The following PTPRD variants were observed in gnomAD, a reference collection of about 807,000 sequenced individuals.
The protein encoded by PTPRD is protein tyrosine phosphatase receptor type D, also known as receptor-type tyrosine-protein phosphatase delta.
Under a neutral mutation model 214.5 loss-of-function variants are expected in PTPRD, and 34 were observed. The observed-to-expected ratio is 0.16, with a 90% CI of 0.12 to 0.21. The LOEUF (loss-of-function observed/expected upper bound fraction) is 0.21, where lower values mean the gene tolerates loss of function less well. PTPRD is among the 10% of genes least tolerant of loss of function. PTPRD has a pLI of 1.00. For synonymous variants in PTPRD, 1,128 were observed against 845.7 expected (o/e 1.33, Z -5.79); for missense variants, 2,545 against 2,398.7 (o/e 1.06, Z -1.27).
At chr9:9,749,180 T>C (rs1289796885) in intron 6 of PTPRD, among the ~76,000 whole-genome samples, 1 of 152,082 alleles carries the variant, frequency 6.6e-6, no homozygotes, top group Non-Finnish European at 1.5e-5. Context: ...TCTCCATGCC[T>C]CTCAGTTTCA....
chr9:8,597,784 T>C (rs1402749264), intron 14 of PTPRD, among the ~76,000 whole-genome samples: 1 of 152,162 alleles, frequency 6.6e-6, no homozygotes, highest in Non-Finnish European at 1.5e-5. Context: ...ATACAGAATC[T>C]GTCTGAATTG....
At chr9:8,703,153 C>A (rs1321572529) in intron 12 of PTPRD, among the ~76,000 whole-genome samples, 1 of 152,176 alleles carries the variant, frequency 6.6e-6, no homozygotes, top group African/African-American at 2.4e-5. Flanking sequence ...ATCTGGAAAT[C>A]TATTTAGACT....
chr9:8,651,185 CT>C (rs1417856212), intron 12 of PTPRD, among the ~76,000 whole-genome samples: 1 of 152,138 alleles, frequency 6.6e-6, no homozygotes, highest in Non-Finnish European at 1.5e-5. Flanking sequence ...GAAAAGCGTT[CT>C]GCAGATGTCT....
chr9:8,528,390 A>G (rs554815996), intron 15 of PTPRD: 8 of 634,156 alleles, frequency 1.3e-5, no homozygotes. Context: ...TGCAAAACAC[A>G]CAGAGAAAAG....
rs1223113894 is a variant in PTPRD, at chr9:9,965,075, A to G, written c.-471-26465T>C. Among the ~76,000 whole-genome samples, 4 of 152,276 alleles carry G rather than the reference A, an allele frequency of 2.6e-5. No individual in the cohort carries two copies. In the South Asian group the frequency reaches 6.2e-4, roughly 24 times the overall value. On this transcript the variant is annotated intron_variant, in intron 4 of 45. Transcript: ENST00000381196. ...GTCTGTTCATTACAACAGACCTTCA[A>G]ATGAGGATGCACAAACACACACAAC...
intron 3 of PTPRD, among the ~76,000 whole-genome samples, chr9:10,206,806 C>CT (rs1461895030): frequency 6.6e-6 from 1 of 151,938 alleles, no homozygotes; most frequent in Non-Finnish European, 1.5e-5. Context: ...TCATTAGTAG[C>CT]TACATAGATT....
chr9:9,062,090 C>T (rs545949815), intron 10 of PTPRD, among the ~76,000 whole-genome samples: 7 of 152,130 alleles, frequency 4.6e-5, no homozygotes, highest in Admixed American at 3.3e-4. Context: ...TGCTCTCATC[C>T]CCTCATTTTA....
intron 14 of PTPRD, among the ~76,000 whole-genome samples, chr9:8,578,567 C>T (rs1377484365): frequency 6.6e-6 from 1 of 152,140 alleles, no homozygotes; most frequent in East Asian, 1.9e-4. Flanking sequence ...TAAGAGAGTG[C>T]AGAGGCTTGG....
intron 3 of PTPRD, among the ~76,000 whole-genome samples, chr9:10,318,925 G>T (rs1324851311): frequency 6.6e-6 from 1 of 152,014 alleles, no homozygotes; most frequent in African/African-American, 2.4e-5. Flanking sequence ...TGAAAATAGG[G>T]CTAAGAACTA....
At chr9:10,254,538 CG>C (rs746115922) in intron 3 of PTPRD, among the ~76,000 whole-genome samples, 63 of 152,124 alleles carry the variant, frequency 4.1e-4, no homozygotes, top group Non-Finnish European at 6.6e-4. Context: ...AGCATAAAAA[CG>C]ATTTAGCCCC....
chr9:8,407,907 C>G (rs962343613), intron 35 of PTPRD, among the ~76,000 whole-genome samples: 3 of 152,158 alleles, frequency 2.0e-5, no homozygotes, highest in Non-Finnish European at 2.9e-5. Context: ...GCAGTAAACT[C>G]AGTAAAGAAT....
chr9:9,294,549 C>G (rs1325234107), intron 9 of PTPRD, among the ~76,000 whole-genome samples: 1 of 151,598 alleles, frequency 6.6e-6, no homozygotes, highest in Non-Finnish European at 1.5e-5. Flanking sequence ...GGGGATTTGA[C>G]AGATTAGTGT....
intron 4 of PTPRD, among the ~76,000 whole-genome samples, chr9:9,948,706 G>A (rs1403630096): frequency 1.3e-5 from 2 of 151,930 alleles, no homozygotes; most frequent in East Asian, 1.9e-4. Flanking sequence ...GTAATCCAAT[G>A]GCAGTAATTC....
At chr9:9,828,493 G>C (rs1420970675) in intron 5 of PTPRD, among the ~76,000 whole-genome samples, 3 of 152,066 alleles carry the variant, frequency 2.0e-5, no homozygotes, top group Non-Finnish European at 4.4e-5. Flanking sequence ...ACACACCGGG[G>C]TCTGTTGTGA....
chr9:9,330,427 G>A (rs1278397614), intron 9 of PTPRD, among the ~76,000 whole-genome samples: 1 of 151,838 alleles, frequency 6.6e-6, no homozygotes, highest in Non-Finnish European at 1.5e-5. Context: ...GTAACCTTTG[G>A]GATTTATATT....
intron 2 of PTPRD, among the ~76,000 whole-genome samples, chr9:10,575,785 T>A (rs1209858442): frequency 6.6e-6 from 1 of 152,076 alleles, no homozygotes; most frequent in Non-Finnish European, 1.5e-5. Flanking sequence ...CCCCACATAT[T>A]TTTTCTGTTC....
chr9:9,183,309 G>A lies in PTPRD; in HGVS notation c.-148C>T, dbSNP rs910353936. The A allele has an allele frequency of 1.3e-5, 2 of 151,972 alleles. No homozygotes were observed. Among genetic ancestry groups the A allele is most frequent in the Admixed American group, 6.6e-5 (1 of 15,214 alleles). The allele number at this position is 151,972 out of a possible 1,614,324, so 9.4% of individuals were successfully genotyped here. A position where few individuals can be genotyped will look rare whatever the true frequency, so the allele number is the denominator to read the frequency against. ...AAATGTGGTTGTGGACTCACCTTGA[G>A]TTAGCCACCGTCGGTGTTTTCAGAC... On this transcript the variant is annotated 5_prime_UTR_variant, in exon 10 of 46. Transcript: ENST00000381196.
At chr9:8,664,455 A>T (rs2154357490) in intron 12 of PTPRD, among the ~76,000 whole-genome samples, 1 of 152,306 alleles carries the variant, frequency 6.6e-6, no homozygotes, top group East Asian at 1.9e-4. Context: ...GTACAAATAC[A>T]AGGCAAGCAC....
intron 8 of PTPRD, among the ~76,000 whole-genome samples, chr9:9,400,068 G>A (rs1587229565): frequency 6.8e-6 from 1 of 147,656 alleles, no homozygotes; most frequent in South Asian, 2.1e-4. Context: ...AAAAAATAGA[G>A]TGTGGACCTA....
Sources: allele counts gnomAD v4.1 joint callset (sites outside exome capture counted in the v4.1 genomes callset), GRCh38; gene constraint gnomAD v4.1.1; transcripts MANE v1.5; gene names NCBI Gene and HGNC (gene_info 2026-07-23, HGNC 2026-07-21).